CSMD2: variants seen among roughly 807,000 people sequenced by gnomAD.
CSMD2 encodes the protein CUB and sushi domain-containing protein 2.
In CSMD2, 130 loss-of-function variants were observed where a neutral mutation model predicts 398.5. The observed-to-expected ratio is 0.33, with a 90% CI of 0.28 to 0.38. The LOEUF is 0.38. Ranked by LOEUF, CSMD2 falls within the 10% of genes least tolerant of loss-of-function variation. The pLI is 1.00. For missense variants in CSMD2, 3,829 were observed against 4,764.9 expected (o/e 0.80, Z 5.78); for synonymous variants, 1,828 against 1,908.5 (o/e 0.96, Z 1.10).
intron 3 of CSMD2, among the ~76,000 whole-genome samples, chr1:33,959,071 G>C (rs1162873546): frequency 4.6e-5 from 7 of 152,176 alleles, no homozygotes; most frequent in African/African-American, 1.7e-4. Context: ...TTCCAGATCA[G>C]ATAACATGTG....
chr1:34,165,205 G>A lies in CSMD2; in HGVS notation c.-108C>T. The A allele has an allele frequency of 1.7e-6, 2 of 1,164,852 alleles. No homozygotes were observed. The highest frequency in any genetic ancestry group is 2.1e-6 in the Non-Finnish European group (2 of 945,322). The allele number at this position is 1,164,852 out of a possible 1,614,324, so 72.2% of individuals were successfully genotyped here. ...GCTCGGAAAAAATCCCGGTACGCGG[G>A]AGCCCTGAGCTTCTGCGGCTGGAAT... is the stretch of plus-strand genomic sequence containing the variant. On this transcript the variant is annotated 5_prime_UTR_variant, in exon 1 of 71. Transcript: ENST00000373381.
intron 22 of CSMD2, among the ~76,000 whole-genome samples, chr1:33,702,629 C>T (rs1183180960): frequency 3.3e-5 from 5 of 152,082 alleles, no homozygotes; most frequent in African/African-American, 1.2e-4. Context: ...GGGCAAACTG[C>T]TCTTTCACTT....
chr1:33,783,004 C>T (rs1652990609), intron 12 of CSMD2, among the ~76,000 whole-genome samples: 1 of 151,902 alleles, frequency 6.6e-6, no homozygotes, highest in Non-Finnish European at 1.5e-5. Flanking sequence ...GAAGACTCTG[C>T]CACTATTCAA....
At chr1:33,658,272 T>C in intron 26 of CSMD2, 135 bp from the exon 27 acceptor site, 1 of 678,352 alleles carries the variant, frequency 1.5e-6, no homozygotes, top group Non-Finnish European at 2.5e-6. Context: ...ATCATCATCA[T>C]CAGCTGTAGC....
Position 33,635,343 on chromosome 1 carries a change from C to A in CSMD2, c.4970-13G>T. 2.0e-6 allele frequency: 3 copies of A among 1,514,778 alleles called. No individual in the cohort carries two copies. Among genetic ancestry groups the A allele is most frequent in the Admixed American group, 1.7e-5 (1 of 59,478 alleles). The allele number at this position is 1,514,778 out of a possible 1,614,324, so 93.8% of individuals were successfully genotyped here. Reference sequence around the variant, plus strand: ...CCCCCACAGGGGGCTGAAAGAGAAACCAGATAGAGAGTCAGGTGACCTTGT... The same window carrying A: ...CCCCCACAGGGGGCTGAAAGAGAAAACAGATAGAGAGTCAGGTGACCTTGT... On this transcript the variant is annotated splice_polypyrimidine_tract_variant and intron_variant, in intron 30 of 70. Coordinates refer to ENST00000373381, the MANE Select transcript of CSMD2 (RefSeq NM_001281956.2). This position sits in a 1 kb window ranked among gnomAD's most constrained non-coding sequence, Gnocchi z 5.0.
chr1:33,814,977 G>A (rs1487197933), intron 9 of CSMD2, among the ~76,000 whole-genome samples: 3 of 151,694 alleles, frequency 2.0e-5, no homozygotes, highest in Admixed American at 1.3e-4. Flanking sequence ...CTTCCTCATC[G>A]CTCTCATATC....
At position 33,743,398 on chromosome 1, in the gene CSMD2, C is replaced by T; in HGVS notation, c.2055G>A (p.Leu685=). The T allele has an allele frequency of 6.2e-7, 1 of 1,614,186 alleles. No homozygotes were observed. The highest frequency in any genetic ancestry group is 1.1e-5 in the South Asian group (1 of 91,080). Reference sequence around the variant, plus strand: ...GAAGCTGGTTTCCTGAGAAGGTGCCCAGGACGGGCGCCTCGGCGGTGGCCC... The same window carrying T: ...GAAGCTGGTTTCCTGAGAAGGTGCCTAGGACGGGCGCCTCGGCGGTGGCCC... ...KDGATAEAPV[L]GTFSGNQLPS... Residue 685 remains leucine, a synonymous_variant, in exon 14 of 71, where the codon CTG becomes CTA. Transcript: ENST00000373381.
chr1:34,113,687 A>C (rs1445430571), intron 1 of CSMD2, among the ~76,000 whole-genome samples: 2 of 152,194 alleles, frequency 1.3e-5, no homozygotes, highest in African/African-American at 4.8e-5. Flanking sequence ...TGCCCCACAG[A>C]AACACTGACT....
chr1:33,904,945 C>T (rs1642995213), intron 5 of CSMD2, among the ~76,000 whole-genome samples: 1 of 151,812 alleles, frequency 6.6e-6, no homozygotes, highest in South Asian at 2.1e-4. Flanking sequence ...CGTGTCCAGC[C>T]GATAGGTTTT....
chr1:33,796,978 GA>G (rs1192730480), intron 10 of CSMD2, among the ~76,000 whole-genome samples: 5 of 152,136 alleles, frequency 3.3e-5, no homozygotes, highest in East Asian at 3.9e-4. Flanking sequence ...TTAGGGTGGC[GA>G]AAAAAACCCA....
intron 2 of CSMD2, among the ~76,000 whole-genome samples, chr1:34,055,583 T>C (rs1331146494): frequency 2.0e-5 from 3 of 152,178 alleles, no homozygotes. Flanking sequence ...TACTGGTTTA[T>C]TATAAAGAAT....
intron 10 of CSMD2, among the ~76,000 whole-genome samples, chr1:33,800,797 TC>T (rs1305453263): frequency 1.3e-5 from 2 of 152,094 alleles, no homozygotes; most frequent in East Asian, 3.9e-4. Flanking sequence ...GCACATGATT[TC>T]GAGACAGCTG....
intron 5 of CSMD2, among the ~76,000 whole-genome samples, chr1:33,896,126 C>G (rs1427000217): frequency 6.6e-6 from 1 of 152,034 alleles, no homozygotes; most frequent in Non-Finnish European, 1.5e-5. Context: ...TATCAGGGGA[C>G]TGAAATATGT....
At chr1:34,110,966 A>G (rs1029600762) in intron 1 of CSMD2, among the ~76,000 whole-genome samples, 4 of 152,148 alleles carry the variant, frequency 2.6e-5, no homozygotes, top group Admixed American at 1.3e-4. Flanking sequence ...GGCACCTCCA[A>G]TCTCCCTTAC....
chr1:34,027,326 G>T (rs922076047), intron 3 of CSMD2, among the ~76,000 whole-genome samples: 2 of 152,142 alleles, frequency 1.3e-5, no homozygotes, highest in African/African-American at 4.8e-5. Context: ...CAACAAATGG[G>T]ATGTCATTTT....
intron 5 of CSMD2, among the ~76,000 whole-genome samples, chr1:33,878,999 G>T (rs770247887): frequency 5.3e-5 from 8 of 152,176 alleles, no homozygotes; most frequent in Non-Finnish European, 1.0e-4. Context: ...GTGGTCACTA[G>T]TTCAGAACTC....
intron 1 of CSMD2, among the ~76,000 whole-genome samples, chr1:34,096,328 G>T (rs1230791248): frequency 2.6e-5 from 4 of 151,780 alleles, no homozygotes. Flanking sequence ...AAAACTGGAA[G>T]CATTCCCTTT....
chr1:33,587,442 G>A (rs1335848429), intron 44 of CSMD2, among the ~76,000 whole-genome samples: 2 of 152,190 alleles, frequency 1.3e-5, no homozygotes, highest in African/African-American at 4.8e-5. Flanking sequence ...TTTTCTGAGT[G>A]CCTCGTGGAT....
intron 44 of CSMD2, among the ~76,000 whole-genome samples, chr1:33,594,985 G>T (rs1006988250): frequency 1.2e-4 from 18 of 152,186 alleles, no homozygotes; most frequent in African/African-American, 4.1e-4. Flanking sequence ...ATATCTTAGT[G>T]TATTTCCTAC....
Sources: allele counts gnomAD v4.1 joint callset (sites outside exome capture counted in the v4.1 genomes callset), GRCh38; gene constraint gnomAD v4.1.1; non-coding constraint Gnocchi (gnomAD v3.1); transcripts MANE v1.5; gene names NCBI Gene and HGNC (gene_info 2026-07-23, HGNC 2026-07-21).